The following UGT1A5 variants were observed in gnomAD, a reference collection of about 807,000 sequenced individuals.
UGT1A5 encodes the protein UDP glucuronosyltransferase family 1 member A5.
In UGT1A5, 29 loss-of-function variants were observed where a neutral mutation model predicts 40.3. The observed-to-expected ratio is 0.72, with a 90% CI of 0.54 to 0.98. The LOEUF (loss-of-function observed/expected upper bound fraction) is 0.98, where lower values mean the gene tolerates loss of function less well. UGT1A5 is among the 50% of genes least tolerant of loss of function. The pLI is 0.00. For synonymous variants in UGT1A5, 257 were observed against 262.5 expected, an observed-to-expected ratio of 0.98 and a Z score of 0.20; for missense variants, 678 against 677.9, an observed-to-expected ratio of 1.00 and a Z score of 0.00.
rs17868341 is a variant in UGT1A5 at position 233,761,240 on chromosome 2, C to T, written c.868-5794C>T. ...TAACTAGCCCCAGATATATGCTGAG[C>T]AAGCATTCTGAGATAATTTAAAATG... is the stretch of plus-strand genomic sequence containing the variant. On this transcript the variant is annotated intron_variant, in intron 1 of 4. Coordinates refer to ENST00000373414, the MANE Select transcript of UGT1A5 (RefSeq NM_019078.2). 0.052 allele frequency: 84,282 copies of T among 1,611,682 alleles called. 2,670 individuals carry two copies. The highest frequency in any genetic ancestry group is 0.063 in the Non-Finnish European group (74,222 of 1,178,902).
At chr2:233,758,413 A>G (rs578024460) in intron 1 of UGT1A5, among the ~76,000 whole-genome samples, 1 of 152,136 alleles carries the variant, frequency 6.6e-6, no homozygotes, top group African/African-American at 2.4e-5. Context: ...ACTGTCTATA[A>G]TCTGCAAATG....
At chr2:233,758,396 C>T (rs560244610) in intron 1 of UGT1A5, among the ~76,000 whole-genome samples, 1 of 152,294 alleles carries the variant, frequency 6.6e-6, no homozygotes, top group South Asian at 2.1e-4. Flanking sequence ...GTGTTTATAG[C>T]CCCTTTACTG....
intron 1 of UGT1A5, among the ~76,000 whole-genome samples, chr2:233,726,278 A>T (rs548858738): frequency 6.6e-6 from 1 of 152,236 alleles, no homozygotes; most frequent in Non-Finnish European, 1.5e-5. Context: ...CTATGGTCCC[A>T]GGTACTTGGG....
intron 1 of UGT1A5, among the ~76,000 whole-genome samples, chr2:233,733,071 A>G (rs1267535040): frequency 6.6e-6 from 1 of 152,128 alleles, no homozygotes; most frequent in African/African-American, 2.4e-5. Context: ...TCTTTGTAGC[A>G]ATTGTGAATG....
At chr2:233,721,319 C>T (rs1043522637) in intron 1 of UGT1A5, among the ~76,000 whole-genome samples, 9 of 152,144 alleles carry the variant, frequency 5.9e-5, no homozygotes, top group African/African-American at 2.2e-4. Flanking sequence ...TGGCTCTTTT[C>T]TTGTGGTTTT....
At position 233,773,058 on chromosome 2, in the gene UGT1A5, T is replaced by C. The variant is rs893890445; in HGVS notation, c.*499T>C. The C allele has an allele frequency of 5.7e-6, 1 of 175,710 alleles. No homozygotes were observed. The highest frequency in any genetic ancestry group is 2.4e-5 in the African/African-American group (1 of 41,884). The allele number at this position is 175,710 out of a possible 1,614,324, so 10.9% of individuals were successfully genotyped here. A position where few individuals can be genotyped will look rare whatever the true frequency, so the allele number is the denominator to read the frequency against. On this transcript the variant is annotated 3_prime_UTR_variant, in exon 5 of 5. Transcript: ENST00000373414. ...AGGGAAGCTTTGTACCTTTAGAGTGTAGGTGAAATGAATGAATGGCTTGGA... is the reference window on the plus strand; with the variant it reads ...AGGGAAGCTTTGTACCTTTAGAGTGCAGGTGAAATGAATGAATGGCTTGGA...
chr2:233,772,274 C>T lies in UGT1A5; in HGVS notation c.1320C>T (p.Asn440=), dbSNP rs754238953. Residue 440 remains asparagine, a synonymous_variant, in exon 5 of 5, where the codon AAC becomes AAT. Coordinates refer to ENST00000373414, the MANE Select transcript of UGT1A5 (RefSeq NM_019078.2). ...TCTTTGTGTTTAGTTACAAGGAGAA[C>T]ATCATGCGCCTCTCCAGCCTTCACA... The part of the protein sequence containing the change: ...AVINDKSYKE[N]IMRLSSLHKD... 1.5e-5 allele frequency: 25 copies of T among 1,614,248 alleles called. No individual in the cohort carries two copies. The South Asian group carries it at 1.8e-4, about 11-fold the overall frequency.
At chr2:233,760,485 G>T in intron 1 of UGT1A5, 2 of 1,614,228 alleles carry the variant, frequency 1.2e-6, no homozygotes, top group Non-Finnish European at 1.7e-6. Context: ...ACGCCTCGTT[G>T]TACATCAGAG....
chr2:233,750,953 C>T (rs1348696377), intron 1 of UGT1A5, among the ~76,000 whole-genome samples: 2 of 151,802 alleles, frequency 1.3e-5, no homozygotes, highest in Non-Finnish European at 2.9e-5. Context: ...ACAGAGTCTC[C>T]ACTGGGGCAC....
chr2:233,715,089 T>C (rs1480789668), intron 1 of UGT1A5, among the ~76,000 whole-genome samples: 2 of 152,174 alleles, frequency 1.3e-5, no homozygotes, highest in East Asian at 3.9e-4. Flanking sequence ...TTTCATCATA[T>C]TGGCCAGGCT....
chr2:233,770,455 A>T (rs903654050), intron 4 of UGT1A5: 7 of 152,170 alleles, frequency 4.6e-5, no homozygotes, highest in African/African-American at 1.7e-4. Context: ...GGAGTTCGAA[A>T]CCAACCTGAC....
Position 233,713,281 on chromosome 2 carries a change from C to G in UGT1A5, c.290C>G (p.Thr97Ser), listed in dbSNP as rs763148643. ...DEFDRLLLGH[T>S]QSFFETEHLL... ...TTTGATCGCCTTTTGCTGGGTCACA[C>G]TCAATCGTTCTTTGAAACAGAACAT... is the stretch of plus-strand genomic sequence containing the variant. The change falls in exon 1 of 5, where the codon ACT becomes AGT. Residue 97 changes from threonine (T) to serine (S), a missense_variant. Thr to Ser is a moderately conservative substitution (Grantham distance 58, BLOSUM62 1). Transcript: ENST00000373414. 16 of 1,614,240 alleles carry G rather than the reference C, an allele frequency of 9.9e-6. No homozygotes were observed. The highest frequency in any genetic ancestry group is 1.3e-5 in the Non-Finnish European group (15 of 1,180,048).
chr2:233,755,121 G>T, intron 1 of UGT1A5: 1 of 1,328,504 alleles, frequency 7.5e-7, no homozygotes. Context: ...GTAGGCCTCA[G>T]CCACCTGCTT....
chr2:233,735,442 G>A (rs1187026118), intron 1 of UGT1A5, among the ~76,000 whole-genome samples: 1 of 151,980 alleles, frequency 6.6e-6, no homozygotes, highest in Non-Finnish European at 1.5e-5. Flanking sequence ...ACAGCATACC[G>A]ATGGGCCTTG....
chr2:233,722,201 C>A (rs2076999629), intron 1 of UGT1A5: 1 of 154,184 alleles, frequency 6.5e-6, no homozygotes, highest in African/African-American at 2.4e-5. Flanking sequence ...TTACTGAGTG[C>A]ATGAAAGATC....
At position 233,769,913 on chromosome 2, in the gene UGT1A5, C is replaced by A. The variant is rs1699980310; in HGVS notation, c.1307+1474C>A. The A allele has an allele frequency of 6.7e-6, 2 of 297,578 alleles. No homozygotes were observed. The highest frequency in any genetic ancestry group is 2.1e-5 in the African/African-American group (1 of 46,750). The allele number at this position is 297,578 out of a possible 1,614,324, so 18.4% of individuals were successfully genotyped here. A position where few individuals can be genotyped will look rare whatever the true frequency, so the allele number is the denominator to read the frequency against. On this transcript the variant is annotated intron_variant, in intron 4 of 4. Coordinates refer to ENST00000373414, the MANE Select transcript of UGT1A5 (RefSeq NM_019078.2). This position sits in a 1 kb window ranked among gnomAD's most constrained non-coding sequence, Gnocchi z 4.4. ...TAACCTGAGCATCATGTGCCCAGAG[C>A]GTTGGGTGGTGTGGTCCCATTCCTT... is the stretch of plus-strand genomic sequence containing the variant.
intron 1 of UGT1A5, among the ~76,000 whole-genome samples, chr2:233,757,931 A>G (rs552433381): frequency 6.6e-6 from 1 of 152,244 alleles, no homozygotes; most frequent in East Asian, 1.9e-4. Flanking sequence ...CCCCCAAAGC[A>G]AGACCATCAT....
chr2:233,757,535 A>AATATATATACATATACATAT (rs376887521), intron 1 of UGT1A5, among the ~76,000 whole-genome samples: 89 of 88,230 alleles, frequency 1.0e-3, no homozygotes, highest in African/African-American at 2.6e-3. Context: ...GCCTGTAAGG[A>AATATATATACATATACATAT]ATATATATAT....
chr2:233,760,224 G>A, intron 1 of UGT1A5: 1 of 1,586,310 alleles, frequency 6.3e-7, no homozygotes. Flanking sequence ...TGTATCGATT[G>A]GTTTTTGCCA....
Sources: allele counts gnomAD v4.1 joint callset (sites outside exome capture counted in the v4.1 genomes callset), GRCh38; gene constraint gnomAD v4.1.1; non-coding constraint Gnocchi (gnomAD v3.1); transcripts MANE v1.5; gene names NCBI Gene and HGNC (gene_info 2026-07-23, HGNC 2026-07-21).